Variants in KIAA1217 observed in about 807,000 individuals in gnomAD.
The protein encoded by KIAA1217 is sickle tail protein homolog.
KIAA1217 carries 88 observed loss-of-function variants against 163.9 expected under a neutral mutation model. The observed-to-expected ratio is 0.54, with a 90% CI of 0.45 to 0.64. KIAA1217 has a LOEUF of 0.64. Among genes scored for constraint, KIAA1217 ranks in the 30% least tolerant of loss-of-function variants. KIAA1217 has a pLI of 0.00. For missense variants in KIAA1217, 2,372 were observed against 2,475.0 expected (o/e 0.96, Z 0.88); for synonymous variants, 903 against 923.1 (o/e 0.98, Z 0.39).
chr10:23,907,292 T>TGTGTGTGTG (rs1554822036), intron 1 of KIAA1217, among the ~76,000 whole-genome samples: 9 of 145,858 alleles, frequency 6.2e-5, no homozygotes, highest in Admixed American at 2.1e-4. Flanking sequence ...CCAATATGAT[T>TGTGTGTGTG]TGTGTGTGTG....
chr10:24,418,641 C>T (rs909329537), intron 3 of KIAA1217, among the ~76,000 whole-genome samples: 11 of 152,222 alleles, frequency 7.2e-5, no homozygotes, highest in African/African-American at 2.7e-4. Context: ...CAGGCAGTTT[C>T]TCACTAAAGT....
chr10:24,200,146 T>G (rs1589872849), intron 2 of KIAA1217, among the ~76,000 whole-genome samples: 2 of 151,814 alleles, frequency 1.3e-5, no homozygotes, highest in East Asian at 3.9e-4. Context: ...TTTCTCCTTT[T>G]CTCTCTTTCT....
intron 1 of KIAA1217, among the ~76,000 whole-genome samples, chr10:23,869,137 T>G (rs937233312): frequency 1.8e-4 from 26 of 143,264 alleles, no homozygotes; most frequent in East Asian, 1.2e-3. Flanking sequence ...TTTTTTTTTT[T>G]TTTTTTTTTT....
At position 23,824,948 on chromosome 10, in the gene KIAA1217, G is replaced by A. The variant is rs115674921; in HGVS notation, c.-321+129714G>A. Among the ~76,000 whole-genome samples, 1,331 of 151,902 alleles carry A rather than the reference G, an allele frequency of 8.8e-3. 22 individuals are homozygous for A. Among genetic ancestry groups the A allele is most frequent in the African/African-American group, 0.031 (1,271 of 41,382 alleles). On this transcript the variant is annotated intron_variant, in intron 1 of 18. Transcript: ENST00000376462. ...TTACATAGTAATCCTTCCTTAATAT[G>A]GCTCCATTTGAAAGGTACATTATCT... is the stretch of plus-strand genomic sequence containing the variant.
rs1432980935 is a variant in KIAA1217, at chr10:24,347,763, AG to A, written c.355-33104del. Reference sequence around the variant, plus strand: ...GCCAGTTTCGTGAAGAAATGCTTTGAGGTTTTTTTCCCCCCAGCTTTATTGA... The same window carrying A: ...GCCAGTTTCGTGAAGAAATGCTTTGAGTTTTTTTCCCCCCAGCTTTATTGA... On this transcript the variant is annotated intron_variant, in intron 2 of 20. Coordinates refer to ENST00000376454, the MANE Select transcript of KIAA1217 (RefSeq NM_019590.5). Among the ~76,000 whole-genome samples, 6 of 152,332 alleles carry A rather than the reference AG, an allele frequency of 3.9e-5. No homozygotes were observed. In the Middle Eastern group the frequency reaches 0.017, roughly 432 times the overall value.
At chr10:23,758,155 C>G (rs1027167868) in intron 1 of KIAA1217, among the ~76,000 whole-genome samples, 2 of 152,038 alleles carry the variant, frequency 1.3e-5, no homozygotes, top group African/African-American at 4.8e-5. Context: ...AAGCTTTTGC[C>G]TCATGTTTTC....
At chr10:23,800,657 A>G (rs1836426430) in intron 1 of KIAA1217, among the ~76,000 whole-genome samples, 1 of 152,168 alleles carries the variant, frequency 6.6e-6, no homozygotes, top group African/African-American at 2.4e-5. Flanking sequence ...GGGTTCTTGT[A>G]TCTTCCCTTG....
At chr10:23,794,709 G>C (rs1836115515) in intron 1 of KIAA1217, among the ~76,000 whole-genome samples, 1 of 152,206 alleles carries the variant, frequency 6.6e-6, no homozygotes, top group Non-Finnish European at 1.5e-5. Flanking sequence ...CCTCTATGAA[G>C]TCAATTAAAT....
rs75581965 is a variant in KIAA1217 at position 23,823,750 on chromosome 10, A to G, written c.-321+128516A>G. On this transcript the variant is annotated intron_variant, in intron 1 of 18. Transcript: ENST00000376462. ...AGTATTCAATAAGAGTGACTAAAAT[A>G]TCAAAACTTTGTTTTAGTTCGGGGT... 9.4e-4 allele frequency among the ~76,000 whole-genome samples: 143 copies of G among 152,326 alleles called. 1 individual carries two copies. The East Asian group carries it at 0.025, about 27-fold the overall frequency.
intron 2 of KIAA1217, among the ~76,000 whole-genome samples, chr10:24,226,156 GA>G (rs957150399): frequency 2.2e-4 from 32 of 144,422 alleles, no homozygotes; most frequent in Admixed American, 2.8e-4. Flanking sequence ...AGGTCTCCAG[GA>G]AAAAAAAAAA....
At chr10:24,067,763 G>A (rs2061018436) in intron 2 of KIAA1217, among the ~76,000 whole-genome samples, 1 of 152,370 alleles carries the variant, frequency 6.6e-6, no homozygotes, top group South Asian at 2.1e-4. Context: ...GAGGCAGGCA[G>A]GCCTCCTTGA....
Position 24,209,235 on chromosome 10 carries a change from T to G in KIAA1217, c.42T>G (p.Pro14=). 6.2e-7 allele frequency: 1 copy of G among 1,613,798 alleles called. No homozygotes were observed. The highest frequency in any genetic ancestry group is 8.5e-7 in the Non-Finnish European group (1 of 1,179,904). ...NESQKCEPCL[P]YSADRRQMQE... is the part of the protein sequence containing the mutation. Reference sequence around the variant, plus strand: ...GCCAGAAATGTGAGCCGTGCCTTCCTTACTCAGCAGACAGAAGACAGATGC... The same window carrying G: ...GCCAGAAATGTGAGCCGTGCCTTCCGTACTCAGCAGACAGAAGACAGATGC... Residue 14 remains proline (P), a synonymous_variant, in exon 1 of 21, where the codon CCT becomes CCG. Transcript: ENST00000376454.
At chr10:24,424,959 T>C (rs61848138) in intron 3 of KIAA1217, among the ~76,000 whole-genome samples, 3,934 of 152,326 alleles carry the variant, frequency 0.026, 74 homozygotes, top group Non-Finnish European at 0.037. Context: ...TATGCTACTG[T>C]GTTAACTGTA....
intron 6 of KIAA1217, among the ~76,000 whole-genome samples, chr10:24,494,018 G>C (rs1276830404): frequency 6.6e-6 from 1 of 152,152 alleles, no homozygotes; most frequent in Non-Finnish European, 1.5e-5. Flanking sequence ...TTGCCCCTAA[G>C]CTGTGACACA....
chr10:24,401,739 A>G (rs1467613838), intron 3 of KIAA1217, among the ~76,000 whole-genome samples: 2 of 152,200 alleles, frequency 1.3e-5, no homozygotes, highest in Admixed American at 6.5e-5. Flanking sequence ...GGCAGGAAAA[A>G]GAAATAAAAG....
intron 1 of KIAA1217, among the ~76,000 whole-genome samples, chr10:23,779,148 G>C (rs939676637): frequency 6.6e-6 from 1 of 152,106 alleles, no homozygotes; most frequent in African/African-American, 2.4e-5. Context: ...TATAACTCTT[G>C]TCTTTTCCCT....
chr10:23,943,715 T>C (rs997696093), intron 1 of KIAA1217, among the ~76,000 whole-genome samples: 3 of 152,178 alleles, frequency 2.0e-5, no homozygotes, highest in African/African-American at 4.8e-5. Context: ...CTACCTGATA[T>C]CAAGACTTCT....
At chr10:24,026,742 A>ATTTTTTTTTTTTTTTTTTTTTTT in intron 2 of KIAA1217, among the ~76,000 whole-genome samples, 5 of 70,094 alleles carry the variant, frequency 7.1e-5, no homozygotes, top group South Asian at 1.0e-3. Context: ...TATTTCATTG[A>ATTTTTTTTTTTTTTTTTTTTTTT]TTTTTTTTTT....
chr10:24,055,198 T>A (rs1849805873), intron 2 of KIAA1217, among the ~76,000 whole-genome samples: 1 of 152,110 alleles, frequency 6.6e-6, no homozygotes, highest in African/African-American at 2.4e-5. Context: ...TCCCAGGAAG[T>A]TGAGGCTGCA....
Sources: gnomAD v4.1 joint callset for allele counts (sites outside exome capture counted in the v4.1 genomes callset) on GRCh38, gnomAD v4.1.1 for gene constraint, MANE v1.5 for transcripts, NCBI Gene and HGNC (gene_info 2026-07-23, HGNC 2026-07-21) for gene names.